Variants in UNC5C observed in about 807,000 individuals in gnomAD.
The protein encoded by UNC5C is netrin receptor UNC5C.
A neutral mutation model predicts 99.8 loss-of-function variants in UNC5C; 47 were observed. The ratio of observed to expected loss-of-function variants is 0.47; its 90% CI spans 0.37 to 0.60. UNC5C has a LOEUF of 0.60. UNC5C is among the 20% of genes least tolerant of loss of function. The pLI is 0.00. For missense variants in UNC5C, 1,062 were observed against 1,165.9 expected (o/e 0.91, Z 1.30); for synonymous variants, 487 against 452.2 (o/e 1.08, Z -0.98).
At chr4:95,497,603 A>G (rs10516975) in intron 1 of UNC5C, among the ~76,000 whole-genome samples, 2,576 of 152,038 alleles carry the variant, frequency 0.017, 67 homozygotes, top group African/African-American at 0.059. Flanking sequence ...AACAAATAAC[A>G]AGACTTAATG....
intron 13 of UNC5C, 37 bp downstream of exon 13, chr4:95,185,010 A>C: frequency 6.4e-7 from 1 of 1,558,766 alleles, no homozygotes; most frequent in East Asian, 2.3e-5. Flanking sequence ...TTTCTTAGAG[A>C]TGTCTCCAGA....
At chr4:95,216,816 G>A (rs1383279331) in intron 9 of UNC5C, among the ~76,000 whole-genome samples, 2 of 152,220 alleles carry the variant, frequency 1.3e-5, no homozygotes. Context: ...TAAGCTAACT[G>A]TGTCTGCTGT....
chr4:95,316,606 C>T (rs992184356), intron 2 of UNC5C, among the ~76,000 whole-genome samples: 1 of 152,154 alleles, frequency 6.6e-6, no homozygotes, highest in Non-Finnish European at 1.5e-5. Flanking sequence ...TAATAATGCA[C>T]AGGGAAATAC....
At chr4:95,458,505 A>T (rs1374101642) in intron 1 of UNC5C, among the ~76,000 whole-genome samples, 1 of 152,004 alleles carries the variant, frequency 6.6e-6, no homozygotes, top group Non-Finnish European at 1.5e-5. Flanking sequence ...AAAATTTTAA[A>T]ATTTGTTTTT....
chr4:95,216,064 T>C (rs1345466263), intron 10 of UNC5C, 60 bp downstream of exon 10: 1 of 1,446,066 alleles, frequency 6.9e-7, no homozygotes, highest in Non-Finnish European at 9.7e-7. Context: ...GTGTCTATTG[T>C]ACAATTCTCC....
At chr4:95,514,446 G>T (rs1228555883) in intron 1 of UNC5C, among the ~76,000 whole-genome samples, 3 of 151,710 alleles carry the variant, frequency 2.0e-5, no homozygotes, top group African/African-American at 4.8e-5. Flanking sequence ...TCTCTTAGAG[G>T]TTAAATCATC....
intron 1 of UNC5C, among the ~76,000 whole-genome samples, chr4:95,393,214 G>T (rs184088427): frequency 6.6e-6 from 1 of 152,346 alleles, no homozygotes; most frequent in African/African-American, 2.4e-5. Context: ...TAAAAGCCAT[G>T]ACTGTTGACT....
intron 12 of UNC5C, among the ~76,000 whole-genome samples, chr4:95,197,573 C>A (rs1037266909): frequency 6.6e-6 from 1 of 152,056 alleles, no homozygotes; most frequent in African/African-American, 2.4e-5. Context: ...GGGGAGCTTT[C>A]ATTGAGTGGT....
At chr4:95,466,078 G>A (rs537595579) in intron 1 of UNC5C, among the ~76,000 whole-genome samples, 2 of 152,288 alleles carry the variant, frequency 1.3e-5, no homozygotes, top group Admixed American at 1.3e-4. Context: ...GAAGTCTTCA[G>A]CCCAGAGAAA....
intron 2 of UNC5C, among the ~76,000 whole-genome samples, chr4:95,320,890 C>T (rs2149412997): frequency 6.6e-6 from 1 of 152,312 alleles, no homozygotes; most frequent in Non-Finnish European, 1.5e-5. Flanking sequence ...TTATGTGTTA[C>T]AAGTAACCTT....
rs181378046 is a variant in UNC5C, at chr4:95,244,966, G to T, written c.943+11C>A. The T allele has an allele frequency of 1.2e-6, 2 of 1,613,290 alleles. No homozygotes were observed. Among genetic ancestry groups the T allele is most frequent in the Admixed American group, 3.3e-5 (2 of 59,832 alleles). On this transcript the variant is annotated intron_variant, in intron 6 of 15. Coordinates refer to ENST00000453304, the MANE Select transcript of UNC5C (RefSeq NM_003728.4). ...AGGAGATACTTGGAATGAGAGGACT[G>T]GTTTATTTACCTGGGCATAACGTAG...
Position 95,452,427 on chromosome 4 carries a change from C to G in UNC5C, c.124+96307G>C, listed in dbSNP as rs1470210068. On this transcript the variant is annotated intron_variant, in intron 1 of 15. Transcript: ENST00000453304. Reference sequence around the variant, plus strand: ...ATGGACTCTGTAAATTGCAGTCTTTCTCCACCCCAGACCACGGAGGGTTTC... The same window carrying G: ...ATGGACTCTGTAAATTGCAGTCTTTGTCCACCCCAGACCACGGAGGGTTTC... Among the ~76,000 whole-genome samples the G allele has an allele frequency of 2.0e-5, 3 of 152,076 alleles. No homozygotes were observed. The South Asian group carries it at 6.2e-4, about 32-fold the overall frequency.
chr4:95,404,118 T>A (rs1192283998), intron 1 of UNC5C, among the ~76,000 whole-genome samples: 1 of 152,206 alleles, frequency 6.6e-6, no homozygotes, highest in Non-Finnish European at 1.5e-5. Context: ...AAATTAATAA[T>A]GCAACTGTAT....
chr4:95,482,799 A>G (rs1721202238), intron 1 of UNC5C, among the ~76,000 whole-genome samples: 1 of 125,698 alleles, frequency 8.0e-6, no homozygotes, highest in Non-Finnish European at 1.7e-5. Flanking sequence ...CATAGATGGG[A>G]ATTGAACAAT....
At chr4:95,296,145 G>A (rs1468904709) in intron 3 of UNC5C, among the ~76,000 whole-genome samples, 1 of 152,180 alleles carries the variant, frequency 6.6e-6, no homozygotes, top group Middle Eastern at 3.2e-3. Flanking sequence ...TTAGCAAGGG[G>A]CTTCTAATGA....
At chr4:95,300,869 C>T (rs1376958738) in intron 3 of UNC5C, among the ~76,000 whole-genome samples, 1 of 151,974 alleles carries the variant, frequency 6.6e-6, no homozygotes. Flanking sequence ...ATGAATAAGA[C>T]CTACTATTTG....
chr4:95,497,234 T>C (rs1246884726), intron 1 of UNC5C, among the ~76,000 whole-genome samples: 3 of 152,012 alleles, frequency 2.0e-5, no homozygotes, highest in Non-Finnish European at 4.4e-5. Context: ...CTTTAAGTTC[T>C]TTAAGGCATC....
chr4:95,268,640 T>G (rs1046262796), intron 4 of UNC5C, among the ~76,000 whole-genome samples: 1 of 152,248 alleles, frequency 6.6e-6, no homozygotes, highest in Non-Finnish European at 1.5e-5. Flanking sequence ...AGATGTGTTG[T>G]GTCTAATTAT....
chr4:95,388,136 G>T (rs1385696136), intron 1 of UNC5C, among the ~76,000 whole-genome samples: 2 of 152,074 alleles, frequency 1.3e-5, no homozygotes, highest in Non-Finnish European at 2.9e-5. Flanking sequence ...GGAACATGAA[G>T]GATGATGTAA....
Sources: gnomAD v4.1 joint callset for allele counts (sites outside exome capture counted in the v4.1 genomes callset) on GRCh38, gnomAD v4.1.1 for gene constraint, MANE v1.5 for transcripts, NCBI Gene and HGNC (gene_info 2026-07-23, HGNC 2026-07-21) for gene names.